RTTN: variants seen among roughly 807,000 people sequenced by gnomAD.
The protein encoded by RTTN is rotatin.
In RTTN, 182 loss-of-function variants were observed where a neutral mutation model predicts 269.2. The ratio of observed to expected loss-of-function variants is 0.68; its 90% CI spans 0.60 to 0.76. The LOEUF (loss-of-function observed/expected upper bound fraction) is 0.76. RTTN is among the 30% of genes least tolerant of loss of function. The pLI, the probability that RTTN is intolerant of heterozygous loss-of-function variation, is 0.00. For synonymous variants in RTTN, 1,006 were observed against 963.5 expected, an observed-to-expected ratio of 1.04 and a Z score of -0.82; for missense variants, 2,545 against 2,608.6, an observed-to-expected ratio of 0.98 and a Z score of 0.53.
At chr18:70,013,377 G>A (rs1210032385) in intron 46 of RTTN, among the ~76,000 whole-genome samples, 1 of 151,256 alleles carries the variant, frequency 6.6e-6, no homozygotes, top group Non-Finnish European at 1.5e-5. Flanking sequence ...TACTGTGTGT[G>A]TATGTATATA....
chr18:70,186,166 GAAACA>G (rs2061542021), intron 10 of RTTN, among the ~76,000 whole-genome samples: 1 of 150,982 alleles, frequency 6.6e-6, no homozygotes, highest in Non-Finnish European at 1.5e-5. Flanking sequence ...GTAATAACTA[GAAACA>G]ACCCCATTGT....
intron 8 of RTTN, among the ~76,000 whole-genome samples, chr18:70,192,230 A>G (rs2061688549): frequency 6.6e-6 from 1 of 152,246 alleles, no homozygotes; most frequent in South Asian, 2.1e-4. Context: ...CAAGAAAATA[A>G]TTAAGCCAAC....
At chr18:70,153,745 C>T (rs1471979927) in intron 14 of RTTN, among the ~76,000 whole-genome samples, 1 of 152,102 alleles carries the variant, frequency 6.6e-6, no homozygotes, top group East Asian at 1.9e-4. Context: ...TTTACAAATC[C>T]TTATATCCAA....
chr18:70,008,670 C>A, intron 46 of RTTN: 2 of 145,432 alleles, frequency 1.4e-5, no homozygotes, highest in African/African-American at 2.5e-5. Flanking sequence ...GATTGAAGAT[C>A]AACTTAACGA....
In RTTN at chr18:70,003,907, T is replaced by G. The variant is rs2056100763; in HGVS notation, c.*244A>C. On this transcript the variant is annotated 3_prime_UTR_variant, in exon 49 of 49. Coordinates refer to ENST00000640769, the MANE Select transcript of RTTN (RefSeq NM_173630.4). ...TAAAAATGTTTATGTTCCCAGAACT[T>G]TCTATGCCTTTTCAACAGAAAGGAA... 1 of 340,618 alleles carries G rather than the reference T, an allele frequency of 2.9e-6. No homozygotes were observed. The highest frequency in any genetic ancestry group is 5.3e-6 in the Non-Finnish European group (1 of 189,798). 21.1% of individuals were successfully genotyped at this position (340,618 alleles called of 1,614,324 possible).
At chr18:70,025,659 C>T (rs558731782) in intron 43 of RTTN, among the ~76,000 whole-genome samples, 1 of 152,358 alleles carries the variant, frequency 6.6e-6, no homozygotes, top group Admixed American at 6.5e-5. Context: ...CTCTGTGGCA[C>T]ACGGCCCTCC....
At chr18:70,012,817 T>G (rs1039901065) in intron 46 of RTTN, among the ~76,000 whole-genome samples, 1 of 152,226 alleles carries the variant, frequency 6.6e-6, no homozygotes, top group Non-Finnish European at 1.5e-5. Flanking sequence ...CTCACTGGTA[T>G]TAGACCAACC....
chr18:70,179,534 C>T (rs552064364), intron 10 of RTTN, among the ~76,000 whole-genome samples: 4 of 152,112 alleles, frequency 2.6e-5, no homozygotes, highest in East Asian at 3.9e-4. Context: ...TAGTAACTGG[C>T]CCACATTTTT....
chr18:70,160,669 A>C (rs891048973), intron 14 of RTTN, among the ~76,000 whole-genome samples: 1 of 151,756 alleles, frequency 6.6e-6, no homozygotes, highest in Non-Finnish European at 1.5e-5. Flanking sequence ...AAAAAAAAAA[A>C]AAAAAAGAAA....
chr18:70,149,087 C>T (rs1376948888), intron 16 of RTTN, 50 bp from the exon 17 acceptor site: 8 of 1,521,962 alleles, frequency 5.3e-6, no homozygotes, highest in Non-Finnish European at 7.2e-6. Flanking sequence ...GTATACATAA[C>T]TTTTCAACTT....
intron 28 of RTTN, among the ~76,000 whole-genome samples, chr18:70,097,854 A>G (rs1487451750): frequency 2.0e-5 from 3 of 152,178 alleles, no homozygotes; most frequent in Non-Finnish European, 2.9e-5. Flanking sequence ...GTGTGATCTA[A>G]AGTCTTTGCA....
chr18:70,189,957 C>T (rs2061632824), intron 9 of RTTN, among the ~76,000 whole-genome samples: 3 of 152,152 alleles, frequency 2.0e-5, no homozygotes, highest in Admixed American at 2.0e-4. Context: ...AAAATGGGAT[C>T]TCAAAATATT....
intron 24 of RTTN, 198 bp from the exon 25 acceptor site, chr18:70,127,939 T>C (rs951565501): frequency 1.1e-5 from 6 of 570,202 alleles, no homozygotes; most frequent in South Asian, 2.3e-5. Context: ...AATGTTTATA[T>C]TGACTTTTCC....
chr18:70,020,852 A>G, intron 44 of RTTN, 35 bp from the exon 45 acceptor site: 1 of 1,558,048 alleles, frequency 6.4e-7, no homozygotes, highest in Non-Finnish European at 8.8e-7. Context: ...ATGTCTTCTC[A>G]GTTTCCCTGT....
rs74573462 is a variant in RTTN at position 70,197,481 on chromosome 18, T to C, written c.693+143A>G. Reference sequence around the variant, plus strand: ...ATAACTATCCACCCAAGTTAGCGAATAAGTGCTTTAAATAGCCAAATACTT... The same window carrying C: ...ATAACTATCCACCCAAGTTAGCGAACAAGTGCTTTAAATAGCCAAATACTT... On this transcript the variant is annotated intron_variant, in intron 6 of 48. Transcript: ENST00000640769. 1,018 of 661,566 alleles carry C rather than the reference T, an allele frequency of 1.5e-3. 7 individuals carry two copies. In the African/African-American group the frequency reaches 0.017, roughly 11 times the overall value. 41.0% of individuals were successfully genotyped at this position (661,566 alleles called of 1,614,324 possible).
At position 70,188,202 on chromosome 18, in the gene RTTN, C is replaced by A; in HGVS notation, c.1211G>T (p.Arg404Ile). 6.2e-7 allele frequency: 1 copy of A among 1,600,216 alleles called. No homozygotes were observed. The highest frequency in any genetic ancestry group is 8.6e-7 in the Non-Finnish European group (1 of 1,168,736). ...LRTGSRQVII[R>I]VLELLTEDMT... The stretch of plus-strand genomic sequence containing the variant: ...ATCCTCTGTAAGCAATTCCAGAACT[C>A]TTATTATCACTTGTCTGCTACCTAG... Residue 404 changes from arginine (R) to isoleucine (I), a missense_variant, in exon 10 of 49, where the codon AGA becomes ATA. By Grantham distance (97) the Arg-to-Ile change is moderately conservative. Coordinates refer to ENST00000640769, the MANE Select transcript of RTTN (RefSeq NM_173630.4).
chr18:70,132,152 T>G (rs1358851521), intron 23 of RTTN, among the ~76,000 whole-genome samples: 1 of 152,026 alleles, frequency 6.6e-6, no homozygotes, highest in Non-Finnish European at 1.5e-5. Context: ...ACAAACTAAA[T>G]TACATGGCCT....
chr18:70,035,337 G>A (rs1347451853), intron 40 of RTTN, among the ~76,000 whole-genome samples: 1 of 152,140 alleles, frequency 6.6e-6, no homozygotes, highest in African/African-American at 2.4e-5. Context: ...AGTAACCAAA[G>A]CATGGTAATG....
chr18:70,176,882 A>C, intron 10 of RTTN, 37 bp from the exon 11 acceptor site: 1 of 1,569,412 alleles, frequency 6.4e-7, no homozygotes. Flanking sequence ...AGAAGAAAAC[A>C]ACCAATTTTA....
Sources: gnomAD v4.1 joint callset for allele counts (sites outside exome capture counted in the v4.1 genomes callset) on GRCh38, gnomAD v4.1.1 for gene constraint, MANE v1.5 for transcripts, NCBI Gene and HGNC (gene_info 2026-07-23, HGNC 2026-07-21) for gene names.